MTERF4: variants seen among roughly 807,000 people sequenced by gnomAD.
MTERF4 encodes transcription termination factor 4, mitochondrial.
MTERF4 carries 17 observed loss-of-function variants against 22.5 expected under a neutral mutation model. That is an observed-to-expected ratio of 0.75 (90% CI 0.52 to 1.13). The LOEUF is 1.13. Among genes scored for constraint, MTERF4 ranks in the 50% most tolerant of loss-of-function variants. The pLI is 0.00. For missense variants in MTERF4, 420 were observed against 466.8 expected (o/e 0.90, Z 0.92); for synonymous variants, 165 against 175.3 (o/e 0.94, Z 0.47).
chr2:241,061,757 C>T, the MTERF4 span, among the ~76,000 whole-genome samples: 13 of 151,296 alleles, frequency 8.6e-5, no homozygotes, highest in Admixed American at 2.0e-4. Context: ...TGGTGGTGGG[C>T]GCCTTTAGTC....
At chr2:241,048,466 G>A in the MTERF4 span, 6 of 1,575,748 alleles carry the variant, frequency 3.8e-6, no homozygotes, top group African/African-American at 2.7e-5. Flanking sequence ...AAGGGCTGCC[G>A]TTTTAGGGCT....
At chr2:241,065,279 T>C in the MTERF4 span, 1 of 1,611,590 alleles carries the variant, frequency 6.2e-7, no homozygotes, top group African/African-American at 1.3e-5. Context: ...CCTCCCCTTG[T>C]TTTGACCCAA....
chr2:241,087,584 G>A (rs1388148321), downstream of MTERF4: 11 of 1,458,448 alleles, frequency 7.5e-6, no homozygotes, highest in Admixed American at 2.8e-4. Flanking sequence ...GAGCCAGGCG[G>A]TCTACTCGCC....
At chr2:241,064,268 C>G in the MTERF4 span, 11 of 611,978 alleles carry the variant, frequency 1.8e-5, no homozygotes, top group Non-Finnish European at 5.6e-6. This position sits in a 1 kb window ranked among gnomAD's most constrained non-coding sequence, Gnocchi z 7.0. Flanking sequence ...TTGGAAGTCC[C>G]CTTCTCAGGC....
At chr2:241,047,872 G>T in the MTERF4 span, among the ~76,000 whole-genome samples, 5 of 151,936 alleles carry the variant, frequency 3.3e-5, no homozygotes, top group African/African-American at 9.7e-5. Context: ...CTTCTCTGGT[G>T]CTTCTTGTTC....
exon 5 of MTERF4, chr2:241,074,838 C>T (rs1337158029): frequency 2.0e-5 from 3 of 152,128 alleles, no homozygotes; most frequent in Non-Finnish European, 2.9e-5. Flanking sequence ...TGAACGATAC[C>T]TTCTATCTTG....
At chr2:241,067,797 A>G (rs200498323), downstream of MTERF4, 686 of 1,611,992 alleles carry the variant, frequency 4.3e-4, 6 homozygotes, top group East Asian at 0.013. Context: ...GAGGTCACCA[A>G]TGTGACGGCT....
chr2:241,055,706 A>G, the MTERF4 span, among the ~76,000 whole-genome samples: 1 of 152,220 alleles, frequency 6.6e-6, no homozygotes, highest in Non-Finnish European at 1.5e-5. Flanking sequence ...TGCAGAGAGT[A>G]AGTTCTCAGC....
intron 2 of MTERF4, 81 bp from the exon 3 acceptor site, chr2:241,097,508 T>A: frequency 7.3e-7 from 1 of 1,369,366 alleles, no homozygotes; most frequent in Non-Finnish European, 1.0e-6. Context: ...CCAATTTAAG[T>A]CCACATTTAA....
Position 241,096,085 on chromosome 2 carries a change from CTCA to C in MTERF4, c.1056_1058del (p.Asp352del), listed in dbSNP as rs1324258669. The C allele has an allele frequency of 2.5e-6, 4 of 1,613,380 alleles. No homozygotes were observed. The highest frequency in any genetic ancestry group is 2.2e-5 in the East Asian group (1 of 44,878). ...CATCGTCATCCTCATCATTGTCATC[CTCA>C]TCATTGTCCTCCTCATCATCGTCAT... On this transcript the variant is annotated inframe_deletion, in exon 4 of 4. Transcript: ENST00000391980. The surrounding 1 kb of genome is among the most constrained non-coding windows in gnomAD (Gnocchi z 5.1).
At chr2:241,061,464 A>T in the MTERF4 span, among the ~76,000 whole-genome samples, 2 of 152,252 alleles carry the variant, frequency 1.3e-5, no homozygotes, top group Admixed American at 6.5e-5. Flanking sequence ...CCTGTTGAGC[A>T]ATCTGCCCAC....
At chr2:241,058,935 G>T in the MTERF4 span, among the ~76,000 whole-genome samples, 1 of 151,060 alleles carries the variant, frequency 6.6e-6, no homozygotes, top group African/African-American at 2.4e-5. Context: ...GGGTGACACA[G>T]CAAGACTCTG....
At chr2:241,069,153 G>T, downstream of MTERF4, 1 of 639,876 alleles carries the variant, frequency 1.6e-6, no homozygotes, top group Non-Finnish European at 2.7e-6. This position sits in a 1 kb window ranked among gnomAD's most constrained non-coding sequence, Gnocchi z 4.9. Context: ...CCTCCCAGAT[G>T]TCTCTTCCGC....
chr2:241,101,105 G>A (rs2064684521), intron 1 of MTERF4: 1 of 455,954 alleles, frequency 2.2e-6, no homozygotes, highest in Non-Finnish European at 4.6e-6. Context: ...CATTTGTTGT[G>A]CACTTTATTT....
chr2:241,086,754 T>C (rs752559080), downstream of MTERF4, among the ~76,000 whole-genome samples: 4 of 152,232 alleles, frequency 2.6e-5, no homozygotes, highest in Non-Finnish European at 4.4e-5. Context: ...CTCCTTGGAT[T>C]TCCCTTTTAA....
chr2:241,072,926 A>C, exon 5 of MTERF4: 2 of 344,456 alleles, frequency 5.8e-6, no homozygotes, highest in Non-Finnish European at 5.3e-6. Flanking sequence ...CAGGGGTGGA[A>C]GGAGAGGAAT....
downstream of MTERF4, chr2:241,092,694 A>T (rs1197690060): frequency 6.6e-6 from 1 of 152,272 alleles, no homozygotes; most frequent in Non-Finnish European, 1.5e-5. This position sits in a 1 kb window ranked among gnomAD's most constrained non-coding sequence, Gnocchi z 4.6. Context: ...GACAATGTTT[A>T]AGGTTCCTTT....
chr2:241,073,646 C>T lies in MTERF4; in HGVS notation n.2516G>A, dbSNP rs2062859842. The T allele has an allele frequency of 1.4e-5, 7 of 509,436 alleles. No individual in the cohort carries two copies. The highest frequency in any genetic ancestry group is 2.1e-5 in the Non-Finnish European group (6 of 287,060). 31.6% of individuals were successfully genotyped at this position (509,436 alleles called of 1,614,324 possible). On this transcript the variant is annotated non_coding_transcript_exon_variant, in exon 5 of 5. Transcript: ENST00000464344. This position sits in a 1 kb window ranked among gnomAD's most constrained non-coding sequence, Gnocchi z 6.6. ...TGGCTTTGATGCTGCCTCCCCTCCCCTCTCCTCCTTCGCCTCCACATGCAG... is the reference window on the plus strand; with the variant it reads ...TGGCTTTGATGCTGCCTCCCCTCCCTTCTCCTCCTTCGCCTCCACATGCAG...
At chr2:241,082,383 T>A, downstream of MTERF4, 1 of 1,588,618 alleles carries the variant, frequency 6.3e-7, no homozygotes, top group South Asian at 1.1e-5. Flanking sequence ...GTTTCTGTCC[T>A]CCGCCTTACC....
Sources: gnomAD v4.1 joint callset for allele counts (sites outside exome capture counted in the v4.1 genomes callset) on GRCh38, gnomAD v4.1.1 for gene constraint, Gnocchi (gnomAD v3.1) non-coding constraint, MANE v1.5 for transcripts, NCBI Gene and HGNC (gene_info 2026-07-23, HGNC 2026-07-21) for gene names.